DHX35: variants seen among roughly 807,000 people sequenced by gnomAD.
The protein encoded by DHX35 is probable ATP-dependent RNA helicase DHX35.
Under a neutral mutation model 99.6 loss-of-function variants are expected in DHX35, and 84 were observed. The observed-to-expected ratio is 0.84, with a 90% CI of 0.71 to 1.01. The LOEUF (loss-of-function observed/expected upper bound fraction) is 1.01, where lower values mean the gene tolerates loss of function less well. DHX35 is among the 50% of genes least tolerant of loss of function. The probability of loss-of-function intolerance (pLI) is 0.00; values close to 1 mark genes in which losing one functional copy is unlikely to be tolerated. For missense variants in DHX35, 852 were observed against 888.5 expected (o/e 0.96, Z 0.52); for synonymous variants, 331 against 316.2 (o/e 1.05, Z -0.50).
chr20:38,992,604 C>CTGTG (rs10532229), intron 7 of DHX35, among the ~76,000 whole-genome samples, 179 bp downstream of exon 7: 18 of 148,944 alleles, frequency 1.2e-4, no homozygotes, highest in African/African-American at 3.5e-4. Flanking sequence ...CTTCTCTTTT[C>CTGTG]TGTGTGTGTG....
chr20:38,974,348 C>T (rs1042441066), intron 3 of DHX35, among the ~76,000 whole-genome samples: 6 of 152,048 alleles, frequency 3.9e-5, no homozygotes, highest in Admixed American at 6.5e-5. Context: ...ACAATTTTAG[C>T]GTTAGGGTCT....
At chr20:39,013,815 T>C (rs558999394) in intron 13 of DHX35, among the ~76,000 whole-genome samples, 1 of 152,368 alleles carries the variant, frequency 6.6e-6, no homozygotes, top group South Asian at 2.1e-4. Flanking sequence ...ATTTGCTCAA[T>C]GGTGATTTGT....
At chr20:38,974,643 G>A (rs536967654) in intron 3 of DHX35, among the ~76,000 whole-genome samples, 5 of 152,174 alleles carry the variant, frequency 3.3e-5, no homozygotes, top group African/African-American at 7.2e-5. Context: ...GAGGTCAGAC[G>A]TAGAAGGTGT....
At chr20:38,995,479 G>C (rs746584838) in intron 8 of DHX35, among the ~76,000 whole-genome samples, 2 of 151,328 alleles carry the variant, frequency 1.3e-5, no homozygotes, top group Non-Finnish European at 2.9e-5. Flanking sequence ...AGCTGAGATC[G>C]CTCCATTGCA....
At chr20:39,022,585 A>G (rs2086891953) in intron 16 of DHX35, among the ~76,000 whole-genome samples, 2 of 152,212 alleles carry the variant, frequency 1.3e-5, no homozygotes, top group South Asian at 2.1e-4. Context: ...ACCAACTTCT[A>G]GTTTCTGTCA....
Position 39,030,712 on chromosome 20 carries a change from G to A in DHX35, c.1892G>A (p.Arg631His), listed in dbSNP as rs767418238. The A allele has an allele frequency of 9.9e-6, 16 of 1,614,052 alleles. No individual in the cohort carries two copies. The highest frequency in any genetic ancestry group is 4.4e-5 in the South Asian group (4 of 91,078). Reference protein sequence around the residue: ...FHSTGAYRTIRDDHELHIHPA... With the variant: ...FHSTGAYRTIHDDHELHIHPA... ...TTCTTCTATGTTCCAAGGACCATCC[G>A]TGATGACCATGAGCTGCACATACAC... Residue 631 changes from arginine to histidine, a missense_variant, in exon 20 of 22, where the codon CGT becomes CAT. Coordinates refer to ENST00000252011, the MANE Select transcript of DHX35 (RefSeq NM_021931.4).
chr20:38,981,943 C>CAAAAAAAAAAAAA (rs1161300647), intron 3 of DHX35, among the ~76,000 whole-genome samples: 2 of 87,282 alleles, frequency 2.3e-5, no homozygotes, highest in Non-Finnish European at 4.8e-5. Context: ...GACTCTGTCT[C>CAAAAAAAAAAAAA]AAAAAAAAAA....
At chr20:39,020,007 C>A (rs957438599) in intron 15 of DHX35, among the ~76,000 whole-genome samples, 3 of 152,140 alleles carry the variant, frequency 2.0e-5, no homozygotes, top group African/African-American at 4.8e-5. Flanking sequence ...CTGTGCCTGC[C>A]TTATTTCACT....
intron 12 of DHX35, among the ~76,000 whole-genome samples, 170 bp from the exon 13 acceptor site, chr20:39,010,110 A>G (rs1467891707): frequency 6.6e-6 from 1 of 152,214 alleles, no homozygotes; most frequent in African/African-American, 2.4e-5. Flanking sequence ...TAAAAATAGA[A>G]TGGTCTTTCC....
chr20:39,018,127 C>T (rs945141456), intron 14 of DHX35, among the ~76,000 whole-genome samples: 4 of 152,122 alleles, frequency 2.6e-5, no homozygotes, highest in Non-Finnish European at 5.9e-5. Flanking sequence ...TACCTCCACT[C>T]GGCCCCGCCC....
At chr20:39,015,216 C>T (rs2086765989) in intron 14 of DHX35, among the ~76,000 whole-genome samples, 1 of 152,192 alleles carries the variant, frequency 6.6e-6, no homozygotes, top group South Asian at 2.1e-4. Context: ...TAGAGATCAG[C>T]AGTTCCCTAC....
chr20:39,016,369 A>G (rs2145922464), intron 14 of DHX35, among the ~76,000 whole-genome samples: 1 of 152,248 alleles, frequency 6.6e-6, no homozygotes, highest in East Asian at 1.9e-4. Flanking sequence ...TCAAATTTCA[A>G]CATGAGCTTT....
At position 39,038,497 on chromosome 20, in the gene DHX35, A is replaced by G; in HGVS notation, c.2068-2A>G. On this transcript the variant is annotated splice_acceptor_variant, in intron 21 of 21. Transcript: ENST00000252011. LOFTEE classifies it high-confidence loss of function. ...ACTGTAGTGTCTTCTCTTCTGTTGC[A>G]GCACCTGTCTCTGAAAGCCAAAAGG... is the stretch of plus-strand genomic sequence containing the variant. 2 of 1,613,698 alleles carry G rather than the reference A, an allele frequency of 1.2e-6. No individual in the cohort carries two copies. The highest frequency in any genetic ancestry group is 1.7e-6 in the Non-Finnish European group (2 of 1,180,026).
At chr20:39,013,255 T>C (rs2086731693) in intron 13 of DHX35, among the ~76,000 whole-genome samples, 2 of 152,234 alleles carry the variant, frequency 1.3e-5, no homozygotes, top group African/African-American at 2.4e-5. Flanking sequence ...TTATTTACAA[T>C]GGTGAAAAAC....
At chr20:39,005,408 G>A (rs1475061022) in intron 11 of DHX35, among the ~76,000 whole-genome samples, 1 of 152,112 alleles carries the variant, frequency 6.6e-6, no homozygotes, top group Non-Finnish European at 1.5e-5. Context: ...GATCTCTATA[G>A]GGTTGGCTGC....
chr20:38,986,973 C>T (rs1254857554), intron 4 of DHX35, among the ~76,000 whole-genome samples: 4 of 152,188 alleles, frequency 2.6e-5, no homozygotes, highest in African/African-American at 9.6e-5. Flanking sequence ...GGAGCCTCTG[C>T]CCTCCTGAGC....
chr20:39,018,947 G>A (rs553792977), intron 15 of DHX35, 48 bp downstream of exon 15: 1 of 1,590,206 alleles, frequency 6.3e-7, no homozygotes, highest in South Asian at 1.1e-5. Context: ...GACTGTCAGA[G>A]GTGTTGTTTG....
chr20:39,010,503 C>G, intron 13 of DHX35, 99 bp downstream of exon 13: 1 of 1,495,964 alleles, frequency 6.7e-7, no homozygotes. Context: ...CCTTTTTTTC[C>G]CTACTCAGGT....
At chr20:38,993,932 T>C (rs562060730) in intron 7 of DHX35, among the ~76,000 whole-genome samples, 1 of 152,242 alleles carries the variant, frequency 6.6e-6, no homozygotes, top group African/African-American at 2.4e-5. Context: ...TAGAAAAAGA[T>C]GTTCCCTCTG....
Sources: allele counts gnomAD v4.1 joint callset (sites outside exome capture counted in the v4.1 genomes callset), GRCh38; gene constraint gnomAD v4.1.1; transcripts MANE v1.5; gene names NCBI Gene and HGNC (gene_info 2026-07-23, HGNC 2026-07-21).